The following SMCHD1 variants were observed in gnomAD, a reference collection of about 807,000 sequenced individuals.
SMCHD1 encodes the protein structural maintenance of chromosomes flexible hinge domain-containing protein 1.
In SMCHD1, 78 loss-of-function variants were observed where a neutral mutation model predicts 254.7. The ratio of observed to expected loss-of-function variants is 0.31; its 90% CI spans 0.26 to 0.37. The LOEUF (loss-of-function observed/expected upper bound fraction) is 0.37, where lower values mean the gene tolerates loss of function less well. SMCHD1 is among the 10% of genes least tolerant of loss of function. The pLI, the probability that SMCHD1 is intolerant of heterozygous loss-of-function variation, is 1.00. For missense variants in SMCHD1, 1,840 were observed against 2,408.1 expected (o/e 0.76, Z 4.94); for synonymous variants, 766 against 794.9 (o/e 0.96, Z 0.61).
At chr18:2,764,936 A>G (rs1196122749) in intron 37 of SMCHD1, among the ~76,000 whole-genome samples, 2 of 152,210 alleles carry the variant, frequency 1.3e-5, no homozygotes, top group Non-Finnish European at 2.9e-5. Flanking sequence ...GCCTTTTGGT[A>G]GTTACTGCCA....
chr18:2,732,123 A>C, intron 24 of SMCHD1, 142 bp from the exon 25 acceptor site: 1 of 558,364 alleles, frequency 1.8e-6, no homozygotes, highest in Non-Finnish European at 3.1e-6. Context: ...AATTATTAAT[A>C]GTATAATGCC....
At chr18:2,680,835 G>GT (rs1213822103) in intron 5 of SMCHD1, among the ~76,000 whole-genome samples, 9 of 152,160 alleles carry the variant, frequency 5.9e-5, no homozygotes, top group African/African-American at 2.2e-4. Context: ...GATTTTGACA[G>GT]TTTTTTCAGG....
chr18:2,715,564 A>G (rs1028931781), intron 17 of SMCHD1, among the ~76,000 whole-genome samples: 1 of 131,354 alleles, frequency 7.6e-6, no homozygotes, highest in Non-Finnish European at 1.7e-5. Flanking sequence ...GAGCTTCTTT[A>G]AAAATCAGTA....
chr18:2,681,370 G>T (rs551055044), intron 5 of SMCHD1, among the ~76,000 whole-genome samples: 3 of 143,498 alleles, frequency 2.1e-5, no homozygotes, highest in African/African-American at 7.7e-5. Flanking sequence ...CCGAGATTGC[G>T]CCGCTGTACT....
At chr18:2,780,927 T>C (rs571732874) in intron 44 of SMCHD1, among the ~76,000 whole-genome samples, 2 of 152,356 alleles carry the variant, frequency 1.3e-5, no homozygotes, top group Non-Finnish European at 2.9e-5. Flanking sequence ...TAAAATGCTA[T>C]TTCAGATATG....
Position 2,726,523 on chromosome 18 carries a change from TG to T in SMCHD1, c.2773+1del. 1 of 1,291,376 alleles carries T rather than the reference TG, an allele frequency of 7.7e-7. No homozygotes were observed. Among genetic ancestry groups the T allele is most frequent in the South Asian group, 1.5e-5 (1 of 68,540 alleles). The allele number at this position is 1,291,376 out of a possible 1,614,324, so 80.0% of individuals were successfully genotyped here. A position where few individuals can be genotyped will look rare whatever the true frequency, so the allele number is the denominator to read the frequency against. On this transcript the variant is annotated frameshift_variant and splice_region_variant, in exon 22 of 48. Transcript: ENST00000320876. LOFTEE classifies it high-confidence loss of function. ...SQILKIRLLP[G>X]HPRRLKVKPD... ...AGATTTTGAAAATTAGATTACTACCTGGTAATATTATTTCAAGAAATATAAT... is the reference window on the plus strand; with the variant it reads ...AGATTTTGAAAATTAGATTACTACCTGTAATATTATTTCAAGAAATATAAT...
chr18:2,663,255 A>G (rs1398965249), intron 1 of SMCHD1, among the ~76,000 whole-genome samples: 1 of 148,922 alleles, frequency 6.7e-6, no homozygotes, highest in East Asian at 1.9e-4. Flanking sequence ...ACACGTGTGC[A>G]CCACCATGCC....
In SMCHD1 at chr18:2,656,267, C is replaced by A; in HGVS notation, c.186+6C>A. The A allele has an allele frequency of 6.7e-7, 1 of 1,482,690 alleles. No individual in the cohort carries two copies. Among genetic ancestry groups the A allele is most frequent in the South Asian group, 1.4e-5 (1 of 72,816 alleles). The allele number at this position is 1,482,690 out of a possible 1,614,324, so 91.8% of individuals were successfully genotyped here. A position where few individuals can be genotyped will look rare whatever the true frequency, so the allele number is the denominator to read the frequency against. On this transcript the variant is annotated splice_donor_region_variant and intron_variant, in intron 1 of 47. Coordinates refer to ENST00000320876, the MANE Select transcript of SMCHD1 (RefSeq NM_015295.3). ...TTCGCGCGTGTGTGTGTCAGGTACG[C>A]GAAGGGGCGAGGAAGGGATGCGCGT...
At chr18:2,746,829 T>A (rs543094290) in intron 29 of SMCHD1, among the ~76,000 whole-genome samples, 1 of 152,308 alleles carries the variant, frequency 6.6e-6, no homozygotes, top group East Asian at 1.9e-4. Flanking sequence ...TCAGGTATCT[T>A]GTTTAACACT....
chr18:2,760,464 G>A (rs567771879), intron 34 of SMCHD1, 188 bp from the exon 35 acceptor site: 33 of 464,778 alleles, frequency 7.1e-5, no homozygotes, highest in Middle Eastern at 5.8e-4. Flanking sequence ...GTAAAAGAAT[G>A]TACAGGTAAG....
intron 7 of SMCHD1, among the ~76,000 whole-genome samples, chr18:2,694,116 A>G (rs2074239328): frequency 6.6e-6 from 1 of 152,146 alleles, no homozygotes. Context: ...CCTGCCCTGT[A>G]GTTTTCTTGA....
rs1483418677 is a variant in SMCHD1, at chr18:2,657,572, C to T, written c.186+1311C>T. Among the ~76,000 whole-genome samples, 4 of 152,250 alleles carry T rather than the reference C, an allele frequency of 2.6e-5. No homozygotes were observed. The East Asian group carries it at 5.8e-4, about 22-fold the overall frequency. On this transcript the variant is annotated intron_variant, in intron 1 of 47. Transcript: ENST00000320876. ...GGGGGAAACAAGTAAATCTTTTACT[C>T]GCTGTAAAACTACTATATGACTACT... is the stretch of plus-strand genomic sequence containing the variant.
chr18:2,714,931 C>G (rs779643356), intron 17 of SMCHD1, among the ~76,000 whole-genome samples: 3 of 152,184 alleles, frequency 2.0e-5, no homozygotes, highest in Non-Finnish European at 4.4e-5. Context: ...AAATGCCAGT[C>G]TCTACTAGCT....
intron 34 of SMCHD1, chr18:2,753,210 G>A (rs1057424355): frequency 2.0e-5 from 3 of 152,186 alleles, no homozygotes; most frequent in Non-Finnish European, 4.4e-5. Flanking sequence ...CTCTGATTTA[G>A]TTGTGCCCAT....
At position 2,706,479 on chromosome 18, in the gene SMCHD1, C is replaced by T. The variant is rs1303440509; in HGVS notation, c.2063+9C>T. On this transcript the variant is annotated intron_variant, in intron 15 of 47. Transcript: ENST00000320876. ...GAAGATGAAATGGCAAGGTAAGTCA[C>T]ACTTCAAGATGCATGACAAAAATAA... The T allele has an allele frequency of 1.3e-6, 2 of 1,551,080 alleles. No individual in the cohort carries two copies. The highest frequency in any genetic ancestry group is 1.4e-5 in the African/African-American group (1 of 73,488).
chr18:2,716,217 T>A (rs935366493), intron 17 of SMCHD1, among the ~76,000 whole-genome samples: 4 of 152,230 alleles, frequency 2.6e-5, no homozygotes, highest in Admixed American at 2.0e-4. Context: ...GCTGTTGTAG[T>A]AATGTATCAG....
At chr18:2,721,767 T>G (rs2143399036) in intron 19 of SMCHD1, among the ~76,000 whole-genome samples, 1 of 152,336 alleles carries the variant, frequency 6.6e-6, no homozygotes, top group South Asian at 2.1e-4. Flanking sequence ...ATTGTGTACC[T>G]CTTCTAGCCA....
chr18:2,761,732 C>T lies in SMCHD1; in HGVS notation c.4435-373C>T, dbSNP rs139795563. ...ATTCAGGAGGCTGAGGCAGGAGAAT[C>T]GCTTGAACCCAGGAGGCGGAGGTTG... On this transcript the variant is annotated intron_variant, in intron 35 of 47. Coordinates refer to ENST00000320876, the MANE Select transcript of SMCHD1 (RefSeq NM_015295.3). 7.3e-3 allele frequency among the ~76,000 whole-genome samples: 1,104 copies of T among 152,196 alleles called. 7 individuals are homozygous for T. Among genetic ancestry groups the T allele is most frequent in the Middle Eastern group, 0.014 (4 of 294 alleles).
At chr18:2,710,353 G>C (rs2074638639) in intron 17 of SMCHD1, among the ~76,000 whole-genome samples, 1 of 152,178 alleles carries the variant, frequency 6.6e-6, no homozygotes, top group South Asian at 2.1e-4. Context: ...TGTTTTTTAA[G>C]ATTGTTTTGG....
Sources: allele counts gnomAD v4.1 joint callset (sites outside exome capture counted in the v4.1 genomes callset), GRCh38; gene constraint gnomAD v4.1.1; transcripts MANE v1.5; gene names NCBI Gene and HGNC (gene_info 2026-07-23, HGNC 2026-07-21).